The following NRCAM variants were observed in gnomAD, a reference collection of about 807,000 sequenced individuals.
The protein encoded by NRCAM is neuronal cell adhesion molecule, also known as NgCAM-related cell adhesion molecule.
In NRCAM, 83 loss-of-function variants were observed where a neutral mutation model predicts 156.5. That is an observed-to-expected ratio of 0.53 (90% CI 0.44 to 0.64). The LOEUF is 0.64. NRCAM is among the 30% of genes least tolerant of loss of function. The probability of loss-of-function intolerance (pLI) is 0.00; values close to 1 mark genes in which losing one functional copy is unlikely to be tolerated. For synonymous variants in NRCAM, 538 were observed against 563.9 expected (o/e 0.95, Z 0.65); for missense variants, 1,417 against 1,597.3 (o/e 0.89, Z 1.92).
At chr7:108,316,331 T>C (rs114296559) in intron 2 of NRCAM, among the ~76,000 whole-genome samples, 2,326 of 152,330 alleles carry the variant, frequency 0.015, 49 homozygotes, top group African/African-American at 0.053. Flanking sequence ...TGCAGGCCTC[T>C]TGAACTTGGA....
At chr7:108,331,615 C>A (rs2300025) in intron 2 of NRCAM, among the ~76,000 whole-genome samples, 87,515 of 151,924 alleles carry the variant, frequency 0.58, 25,729 homozygotes, top group East Asian at 0.82. Flanking sequence ...AATTACTTAC[C>A]TCAGTGCCTG....
At chr7:108,191,397 T>A (rs567359617) in intron 18 of NRCAM, 114 bp from the exon 19 acceptor site, 3 of 795,202 alleles carry the variant, frequency 3.8e-6, no homozygotes, top group South Asian at 4.3e-5. Flanking sequence ...TTAAGCCCTA[T>A]GCTTAGCTGT....
chr7:108,185,976 C>T (rs1238529276), intron 20 of NRCAM, among the ~76,000 whole-genome samples: 1 of 152,158 alleles, frequency 6.6e-6, no homozygotes, highest in African/African-American at 2.4e-5. Context: ...GCCAGAGGAG[C>T]TGGGAGACAG....
chr7:108,176,064 CAT>C lies in NRCAM; in HGVS notation c.3151+364_3151+365del, dbSNP rs569192501. Among the ~76,000 whole-genome samples, 24 of 152,112 alleles carry C rather than the reference CAT, an allele frequency of 1.6e-4. No homozygotes were observed. In the East Asian group the frequency reaches 3.9e-3, roughly 24 times the overall value. ...ATATAGATGTGTATGTCTGTGTATGCATATGTGTGTATTATGTGTATGTGTAC... is the reference window on the plus strand; with the variant it reads ...ATATAGATGTGTATGTCTGTGTATGCATGTGTGTATTATGTGTATGTGTAC... On this transcript the variant is annotated intron_variant, in intron 27 of 32. Coordinates refer to ENST00000379028, the MANE Select transcript of NRCAM (RefSeq NM_001037132.4).
chr7:108,324,326 TCTAA>T (rs1392280351), intron 2 of NRCAM, among the ~76,000 whole-genome samples: 1 of 152,240 alleles, frequency 6.6e-6, no homozygotes, highest in African/African-American at 2.4e-5. Flanking sequence ...ACCCTTCTTC[TCTAA>T]CTGTGGTTTC....
intron 30 of NRCAM, among the ~76,000 whole-genome samples, chr7:108,161,138 G>A (rs1310293690): frequency 6.6e-6 from 1 of 152,140 alleles, no homozygotes; most frequent in Admixed American, 6.5e-5. Flanking sequence ...GGAAATTTCT[G>A]AAAAACCAAA....
intron 31 of NRCAM, 65 bp downstream of exon 31, chr7:108,160,296 T>C: frequency 4.1e-6 from 6 of 1,457,510 alleles, no homozygotes; most frequent in Admixed American, 1.8e-5. Context: ...ATTTCCCCCA[T>C]GATCTTTTTA....
chr7:108,324,386 C>A (rs963695869), intron 2 of NRCAM, among the ~76,000 whole-genome samples: 1 of 152,154 alleles, frequency 6.6e-6, no homozygotes, highest in Non-Finnish European at 1.5e-5. Context: ...TCCTTTAAAG[C>A]CTTTCCTTCC....
intron 1 of NRCAM, among the ~76,000 whole-genome samples, chr7:108,429,928 G>A (rs1822738102): frequency 6.6e-6 from 1 of 152,202 alleles, no homozygotes; most frequent in Admixed American, 6.5e-5. Context: ...ATTAAAAGGT[G>A]ACATCAGAGG....
intron 6 of NRCAM, 74 bp downstream of exon 6, chr7:108,234,509 C>T: frequency 1.0e-6 from 1 of 968,634 alleles, no homozygotes; most frequent in South Asian, 1.4e-5. Flanking sequence ...TGGAAATTCC[C>T]AAACATATTT....
At position 108,255,296 on chromosome 7, in the gene NRCAM, G is replaced by C. The variant is rs566726336; in HGVS notation, c.-106-15126C>G. Among the ~76,000 whole-genome samples the C allele has an allele frequency of 9.7e-3, 1,472 of 152,130 alleles. 25 individuals are homozygous for C. Among genetic ancestry groups the C allele is most frequent in the African/African-American group, 0.033 (1,374 of 41,480 alleles). ...ATTCTCCTGCCTCAGCCTGCCGAGT[G>C]CCTGGGATTGCAGGTGTGCGCCGCC... On this transcript the variant is annotated intron_variant, in intron 3 of 32. Coordinates refer to ENST00000379028, the MANE Select transcript of NRCAM (RefSeq NM_001037132.4).
chr7:108,152,507 C>A (rs1321188302), intron 32 of NRCAM, among the ~76,000 whole-genome samples: 2 of 142,730 alleles, frequency 1.4e-5, no homozygotes, highest in African/African-American at 5.3e-5. Flanking sequence ...AGGACGCTGC[C>A]TTTAACTCTG....
rs540100075 is a variant in NRCAM at position 108,363,459 on chromosome 7, G to A, written c.-174+35977C>T. 7.9e-5 allele frequency among the ~76,000 whole-genome samples: 12 copies of A among 152,062 alleles called. 1 individual carries two copies. The East Asian group carries it at 1.2e-3, about 15-fold the overall frequency. On this transcript the variant is annotated intron_variant, in intron 2 of 32. Coordinates refer to ENST00000379028, the MANE Select transcript of NRCAM (RefSeq NM_001037132.4). Reference sequence around the variant, plus strand: ...GCCACCATGCCCAGCCAAATTTTTCGCCATGTTGCCCAGGCTGGTCTCAAA... The same window carrying A: ...GCCACCATGCCCAGCCAAATTTTTCACCATGTTGCCCAGGCTGGTCTCAAA...
intron 2 of NRCAM, among the ~76,000 whole-genome samples, chr7:108,378,295 T>C (rs1595706807): frequency 1.3e-5 from 2 of 151,906 alleles, no homozygotes; most frequent in East Asian, 3.9e-4. Flanking sequence ...CAAATAGAAC[T>C]TCCTGAAAAA....
At chr7:108,453,349 T>C (rs956800061) in intron 1 of NRCAM, among the ~76,000 whole-genome samples, 7 of 152,218 alleles carry the variant, frequency 4.6e-5, no homozygotes, top group Non-Finnish European at 1.0e-4. Context: ...CCCAGGTGTA[T>C]ACATTCTCAG....
chr7:108,186,767 A>G (rs920285020), intron 20 of NRCAM, among the ~76,000 whole-genome samples: 14 of 152,224 alleles, frequency 9.2e-5, no homozygotes, highest in Admixed American at 9.2e-4. Flanking sequence ...ATCTATTTAT[A>G]TCTTAACATT....
chr7:108,331,891 T>C (rs1353304803), intron 2 of NRCAM, among the ~76,000 whole-genome samples: 1 of 152,234 alleles, frequency 6.6e-6, no homozygotes, highest in Non-Finnish European at 1.5e-5. Flanking sequence ...GATGGATGCT[T>C]TTCTTTTGAA....
intron 2 of NRCAM, among the ~76,000 whole-genome samples, chr7:108,389,747 T>G (rs1186902320): frequency 4.6e-5 from 7 of 152,222 alleles, no homozygotes; most frequent in Admixed American, 3.9e-4. Context: ...TCTAATTTAT[T>G]GAGAGTTTTT....
Position 108,240,102 on chromosome 7 carries a change from C to A in NRCAM, c.-38G>T, listed in dbSNP as rs980915026. ...TGCTGAGACTCACACACTGAATTTCCTTTTCTTCTTTCACAAAAGATTTTG... is the reference window on the plus strand; with the variant it reads ...TGCTGAGACTCACACACTGAATTTCATTTTCTTCTTTCACAAAAGATTTTG... On this transcript the variant is annotated 5_prime_UTR_variant, in exon 4 of 33. It adds an upstream start codon to the 5' untranslated region. Coordinates refer to ENST00000379028, the MANE Select transcript of NRCAM (RefSeq NM_001037132.4). 2.8e-6 allele frequency: 4 copies of A among 1,410,488 alleles called. No homozygotes were observed. In the South Asian group the frequency reaches 3.6e-5, roughly 13 times the overall value. The allele number at this position is 1,410,488 out of a possible 1,614,324, so 87.4% of individuals were successfully genotyped here. A position where few individuals can be genotyped will look rare whatever the true frequency, so the allele number is the denominator to read the frequency against.
Sources: allele counts gnomAD v4.1 joint callset (sites outside exome capture counted in the v4.1 genomes callset), GRCh38; gene constraint gnomAD v4.1.1; transcripts MANE v1.5; gene names NCBI Gene and HGNC (gene_info 2026-07-23, HGNC 2026-07-21).